EFR3B: variants seen among roughly 807,000 people sequenced by gnomAD.
EFR3B encodes the protein protein EFR3 homolog B.
EFR3B carries 64 observed loss-of-function variants against 104.7 expected under a neutral mutation model. The observed-to-expected ratio is 0.61, with a 90% CI of 0.50 to 0.75. The LOEUF (loss-of-function observed/expected upper bound fraction) is 0.75. Ranked by LOEUF, EFR3B falls within the 30% of genes least tolerant of loss-of-function variation. The pLI, the probability that EFR3B is intolerant of heterozygous loss-of-function variation, is 0.00. For synonymous variants in EFR3B, 385 were observed against 417.9 expected (o/e 0.92, Z 0.96); for missense variants, 750 against 1,078.5 (o/e 0.70, Z 4.27).
Position 25,130,525 on chromosome 2 carries a change from T to G in EFR3B, c.771-27T>G, listed in dbSNP as rs1342863948. On this transcript the variant is annotated intron_variant, in intron 7 of 22. Coordinates refer to ENST00000403714, the MANE Select transcript of EFR3B (RefSeq NM_014971.2). This position sits in a 1 kb window ranked among gnomAD's most constrained non-coding sequence, Gnocchi z 4.6. Reference sequence around the variant, plus strand: ...CTAACACTGCCGGGAGTTTCATAGTTGTTCCCCCACGTTTTCTCCCTCACA... The same window carrying G: ...CTAACACTGCCGGGAGTTTCATAGTGGTTCCCCCACGTTTTCTCCCTCACA... 1.3e-6 allele frequency: 2 copies of G among 1,538,624 alleles called. No homozygotes were observed. Among genetic ancestry groups the G allele is most frequent in the Non-Finnish European group, 8.8e-7 (1 of 1,135,158 alleles).
At chr2:25,053,543 G>A (rs984387627) in intron 1 of EFR3B, among the ~76,000 whole-genome samples, 1 of 152,200 alleles carries the variant, frequency 6.6e-6, no homozygotes, top group African/African-American at 2.4e-5. Context: ...GCCTGGAGAA[G>A]AGCAGAAACC....
rs1055293770 is a variant in EFR3B, at chr2:25,156,979, C to T, written c.*2639C>T. 2 of 152,188 alleles carry T rather than the reference C, an allele frequency of 1.3e-5. No homozygotes were observed. Among genetic ancestry groups the T allele is most frequent in the African/African-American group, 4.8e-5 (2 of 41,436 alleles). The allele number at this position is 152,188 out of a possible 1,614,324, so 9.4% of individuals were successfully genotyped here. A position where few individuals can be genotyped will look rare whatever the true frequency, so the allele number is the denominator to read the frequency against. On this transcript the variant is annotated 3_prime_UTR_variant, in exon 23 of 23. Transcript: ENST00000403714. ...TGAGCACTGCCTGTGAGCCCTGGTT[C>T]TGGGACTTGGCAGTCGCCTCCCTGG...
Position 25,128,786 on chromosome 2 carries a change from G to A in EFR3B, c.635+454G>A, listed in dbSNP as rs541621940. ...ATCCTGGCTAACACGATGAAACCGC[G>A]TCTCTACTAAAAAAAAATGCAAAAA... On this transcript the variant is annotated intron_variant, in intron 6 of 22. Coordinates refer to ENST00000403714, the MANE Select transcript of EFR3B (RefSeq NM_014971.2). Among the ~76,000 whole-genome samples, 36 of 151,100 alleles carry A rather than the reference G, an allele frequency of 2.4e-4. No homozygotes were observed. The South Asian group carries it at 4.2e-3, about 18-fold the overall frequency.
At chr2:25,060,279 T>C (rs1444481023) in intron 1 of EFR3B, among the ~76,000 whole-genome samples, 1 of 152,214 alleles carries the variant, frequency 6.6e-6, no homozygotes. Context: ...CATACACATG[T>C]TATCAGAGTT....
chr2:25,042,581 G>T lies in EFR3B; in HGVS notation c.7+262G>T. 8.3e-7 allele frequency: 1 copy of T among 1,198,346 alleles called. No homozygotes were observed. The allele number at this position is 1,198,346 out of a possible 1,614,324, so 74.2% of individuals were successfully genotyped here. ...GGTCCTTCGGGGGGCGGAGGCTCAGGGGAAAGCGGGTCTCCCGGAGCCGAG... is the reference window on the plus strand; with the variant it reads ...GGTCCTTCGGGGGGCGGAGGCTCAGTGGAAAGCGGGTCTCCCGGAGCCGAG... On this transcript the variant is annotated intron_variant, in intron 1 of 22. Transcript: ENST00000403714. The surrounding 1 kb of genome is among the most constrained non-coding windows in gnomAD (Gnocchi z 5.4).
intron 1 of EFR3B, chr2:25,081,466 T>C: frequency 6.9e-7 from 1 of 1,442,940 alleles, no homozygotes; most frequent in Non-Finnish European, 9.7e-7. Flanking sequence ...TTTTGCCACA[T>C]ATCCTTTGGA....
In EFR3B at chr2:25,125,864, C is replaced by T. The variant is rs572096555; in HGVS notation, c.486-2319C>T. Among the ~76,000 whole-genome samples, 85 of 152,226 alleles carry T rather than the reference C, an allele frequency of 5.6e-4. 1 individual carries two copies. Among genetic ancestry groups the T allele is most frequent in the African/African-American group, 1.9e-3 (78 of 41,504 alleles). Reference sequence around the variant, plus strand: ...TGGGGAGGCTGAGGCAGGAGAATGGCGTGAACCCGGGAGGCGGAGGTTGCT... The same window carrying T: ...TGGGGAGGCTGAGGCAGGAGAATGGTGTGAACCCGGGAGGCGGAGGTTGCT... On this transcript the variant is annotated intron_variant, in intron 5 of 22. Transcript: ENST00000403714.
chr2:25,118,440 T>A (rs1253218422), intron 4 of EFR3B, among the ~76,000 whole-genome samples: 1 of 151,834 alleles, frequency 6.6e-6, no homozygotes, highest in East Asian at 1.9e-4. Flanking sequence ...TATTCCACTG[T>A]GTGTGTGTGT....
chr2:25,124,581 A>G (rs1164258727), intron 5 of EFR3B, among the ~76,000 whole-genome samples: 1 of 151,842 alleles, frequency 6.6e-6, no homozygotes, highest in Non-Finnish European at 1.5e-5. Flanking sequence ...TACTAAAAAT[A>G]CAAAAAAAAT....
intron 4 of EFR3B, among the ~76,000 whole-genome samples, chr2:25,104,965 C>T (rs1465095240): frequency 1.3e-5 from 2 of 152,152 alleles, no homozygotes; most frequent in Non-Finnish European, 2.9e-5. Context: ...ACTCCCACGC[C>T]CTGGTTGTCT....
intron 3 of EFR3B, among the ~76,000 whole-genome samples, chr2:25,095,080 T>C (rs981158732): frequency 2.6e-5 from 4 of 152,138 alleles, no homozygotes; most frequent in Non-Finnish European, 5.9e-5. Flanking sequence ...CATGAGCTAC[T>C]GCGCCAGGCC....
At chr2:25,148,375 TC>T (rs1202646379) in intron 19 of EFR3B, among the ~76,000 whole-genome samples, 1 of 151,434 alleles carries the variant, frequency 6.6e-6, no homozygotes, top group Non-Finnish European at 1.5e-5. Context: ...TGCCTCAGAC[TC>T]CCCAAGTAGC....
chr2:25,116,712 G>A (rs1669870444), intron 4 of EFR3B, among the ~76,000 whole-genome samples: 1 of 151,908 alleles, frequency 6.6e-6, no homozygotes, highest in South Asian at 2.1e-4. Flanking sequence ...GACTCATGGA[G>A]CCGCAGAAGG....
At chr2:25,068,150 G>C (rs1403240485) in intron 1 of EFR3B, among the ~76,000 whole-genome samples, 1 of 152,142 alleles carries the variant, frequency 6.6e-6, no homozygotes, top group African/African-American at 2.4e-5. Context: ...TCTCACCCCT[G>C]GTTCTCCTGG....
At chr2:25,068,419 G>A (rs1245733149) in intron 1 of EFR3B, among the ~76,000 whole-genome samples, 1 of 152,152 alleles carries the variant, frequency 6.6e-6, no homozygotes, top group Non-Finnish European at 1.5e-5. Flanking sequence ...CTGAGTCAAT[G>A]CAGGCTTGAG....
chr2:25,150,010 G>T (rs1287610230), intron 20 of EFR3B, among the ~76,000 whole-genome samples: 4 of 152,140 alleles, frequency 2.6e-5, no homozygotes, highest in Non-Finnish European at 4.4e-5. Context: ...GCCTTTAAAA[G>T]TAATCAGTTG....
At chr2:25,132,576 G>A (rs549921654) in intron 10 of EFR3B, among the ~76,000 whole-genome samples, 1 of 152,038 alleles carries the variant, frequency 6.6e-6, no homozygotes, top group East Asian at 1.9e-4. Context: ...CACCCAACGA[G>A]AACTCGGGCT....
chr2:25,054,398 T>G lies in EFR3B; in HGVS notation c.7+12079T>G, dbSNP rs1415476410. 3.9e-5 allele frequency among the ~76,000 whole-genome samples: 6 copies of G among 151,980 alleles called. No individual in the cohort carries two copies. In the South Asian group the frequency reaches 1.2e-3, roughly 32 times the overall value. On this transcript the variant is annotated intron_variant, in intron 1 of 22. Coordinates refer to ENST00000403714, the MANE Select transcript of EFR3B (RefSeq NM_014971.2). ...GTACAGTGGCATGATCTCACCTCAC[T>G]GCAACTTCTGCCTCCCAGGTTCAAG...
chr2:25,124,675 C>A (rs532926018), intron 5 of EFR3B, among the ~76,000 whole-genome samples: 26 of 140,522 alleles, frequency 1.9e-4, no homozygotes, highest in African/African-American at 6.9e-4. Context: ...GGAGGCAGAG[C>A]TTGCAGTGAG....
Sources: gnomAD v4.1 joint callset for allele counts (sites outside exome capture counted in the v4.1 genomes callset) on GRCh38, gnomAD v4.1.1 for gene constraint, Gnocchi (gnomAD v3.1) non-coding constraint, MANE v1.5 for transcripts, NCBI Gene and HGNC (gene_info 2026-07-23, HGNC 2026-07-21) for gene names.